The following UNC5C variants were observed in gnomAD, a reference collection of about 807,000 sequenced individuals.
The protein encoded by UNC5C is netrin receptor UNC5C.
UNC5C carries 47 observed loss-of-function variants against 99.8 expected under a neutral mutation model. That is an observed-to-expected ratio of 0.47 (90% confidence interval 0.37 to 0.60). UNC5C has a LOEUF of 0.60. Among genes scored for constraint, UNC5C ranks in the 20% least tolerant of loss-of-function variants. UNC5C has a pLI of 0.00. For synonymous variants in UNC5C, 487 were observed against 452.2 expected, an observed-to-expected ratio of 1.08 and a Z score of -0.98; for missense variants, 1,062 against 1,165.9, an observed-to-expected ratio of 0.91 and a Z score of 1.30.
chr4:95,181,148 C>T (rs1241887117), intron 14 of UNC5C, among the ~76,000 whole-genome samples: 1 of 152,184 alleles, frequency 6.6e-6, no homozygotes, highest in South Asian at 2.1e-4. Context: ...TGACTCCCCT[C>T]ACTTCTTCCC....
At chr4:95,425,461 A>G (rs1746452299) in intron 1 of UNC5C, among the ~76,000 whole-genome samples, 1 of 152,210 alleles carries the variant, frequency 6.6e-6, no homozygotes, top group Non-Finnish European at 1.5e-5. Flanking sequence ...AACTGGGACT[A>G]CAGGCGCTCG....
intron 3 of UNC5C, among the ~76,000 whole-genome samples, chr4:95,280,039 G>A (rs992017980): frequency 1.2e-4 from 18 of 152,158 alleles, no homozygotes; most frequent in African/African-American, 4.3e-4. Flanking sequence ...CAGAGCTCAG[G>A]TGTTAATGCT....
intron 1 of UNC5C, among the ~76,000 whole-genome samples, chr4:95,545,377 T>C (rs967900982): frequency 1.3e-5 from 2 of 152,218 alleles, no homozygotes; most frequent in Non-Finnish European, 2.9e-5. Context: ...CTTTTCCTTA[T>C]TGCATATTCC....
At chr4:95,278,594 C>G (rs892056112) in intron 3 of UNC5C, among the ~76,000 whole-genome samples, 3 of 151,872 alleles carry the variant, frequency 2.0e-5, no homozygotes, top group African/African-American at 7.3e-5. Context: ...CCTGCCTCAG[C>G]CTTCTGAGTG....
intron 1 of UNC5C, among the ~76,000 whole-genome samples, chr4:95,522,314 A>G (rs1340983178): frequency 6.6e-6 from 1 of 152,180 alleles, no homozygotes; most frequent in East Asian, 1.9e-4. Flanking sequence ...GGAGCTTTAA[A>G]CAATCGATTT....
chr4:95,310,285 G>A (rs1375483944), intron 2 of UNC5C, among the ~76,000 whole-genome samples: 2 of 152,020 alleles, frequency 1.3e-5, no homozygotes, highest in African/African-American at 4.8e-5. Context: ...GAGGGTAGGG[G>A]GTCCCAAGAT....
rs766450239 is a variant in UNC5C, at chr4:95,242,578, G to A, written c.959C>T (p.Thr320Met). The change falls in exon 7 of 16, where the codon ACG becomes ATG. Residue 320 changes from threonine to methionine, a missense_variant. By Grantham distance (81) the Thr-to-Met change is moderately conservative (BLOSUM62 -1). Transcript: ENST00000453304. Reference sequence around the variant, plus strand: ...ACAAGTAGACCACTTGCTCCATGGCGTCCACCTGCCATCCACTGCCATGGA... The same window carrying A: ...ACAAGTAGACCACTTGCTCCATGGCATCCACCTGCCATCCACTGCCATGGA... Reference protein sequence around the residue: ...TTLCPVDGRWTPWSKWSTCGT... With the variant: ...TTLCPVDGRWMPWSKWSTCGT... The A allele has an allele frequency of 3.8e-6, 6 of 1,585,718 alleles. No individual in the cohort carries two copies. Among genetic ancestry groups the A allele is most frequent in the South Asian group, 1.1e-5 (1 of 87,354 alleles).
chr4:95,174,035 G>A (rs1308637461), intron 14 of UNC5C, among the ~76,000 whole-genome samples: 1 of 152,134 alleles, frequency 6.6e-6, no homozygotes, highest in East Asian at 1.9e-4. Flanking sequence ...GCATAGAGGT[G>A]TTTGTAGTAT....
chr4:95,533,975 T>G (rs970533827), intron 1 of UNC5C, among the ~76,000 whole-genome samples: 5 of 152,220 alleles, frequency 3.3e-5, no homozygotes, highest in Non-Finnish European at 7.3e-5. Flanking sequence ...AGCATTCTAG[T>G]TGCTTCTGTT....
intron 4 of UNC5C, among the ~76,000 whole-genome samples, chr4:95,267,280 G>T (rs573491170): frequency 1.3e-5 from 2 of 152,178 alleles, no homozygotes; most frequent in East Asian, 3.9e-4. Context: ...TATATTTGGG[G>T]GTTTCCTGGA....
intron 1 of UNC5C, among the ~76,000 whole-genome samples, chr4:95,400,592 C>T (rs1745661091): frequency 6.6e-6 from 1 of 151,990 alleles, no homozygotes; most frequent in Non-Finnish European, 1.5e-5. Context: ...GGGGTTTCAC[C>T]GTGTTAGCCA....
intron 13 of UNC5C, 98 bp downstream of exon 13, chr4:95,184,949 T>C: frequency 7.8e-7 from 1 of 1,290,090 alleles, no homozygotes. Context: ...TAATGACATA[T>C]GATTAATTTC....
At chr4:95,307,399 T>C (rs1461204425) in intron 2 of UNC5C, among the ~76,000 whole-genome samples, 1 of 152,116 alleles carries the variant, frequency 6.6e-6, no homozygotes, top group African/African-American at 2.4e-5. Flanking sequence ...GTGATTAAGA[T>C]GAATGTAAGA....
chr4:95,525,148 C>T (rs995256452), intron 1 of UNC5C, among the ~76,000 whole-genome samples: 1 of 152,158 alleles, frequency 6.6e-6, no homozygotes, highest in African/African-American at 2.4e-5. Context: ...GTTTAACATA[C>T]ATAAGAGCAG....
At chr4:95,302,655 C>A (rs537458866) in intron 2 of UNC5C, among the ~76,000 whole-genome samples, 1 of 152,072 alleles carries the variant, frequency 6.6e-6, no homozygotes, top group African/African-American at 2.4e-5. Flanking sequence ...AGCAGAACAC[C>A]CCTAGGGAGG....
chr4:95,432,199 TA>T (rs1746653923), intron 1 of UNC5C, among the ~76,000 whole-genome samples: 1 of 152,044 alleles, frequency 6.6e-6, no homozygotes. Context: ...GGTGCTACGG[TA>T]AAAGGATCCT....
intron 1 of UNC5C, among the ~76,000 whole-genome samples, chr4:95,508,259 C>T (rs933150436): frequency 6.6e-5 from 10 of 151,950 alleles, no homozygotes; most frequent in African/African-American, 2.4e-4. Context: ...CATTTTGTTC[C>T]GTTATTCTCT....
chr4:95,408,893 C>G (rs1226276859), intron 1 of UNC5C, among the ~76,000 whole-genome samples: 1 of 152,090 alleles, frequency 6.6e-6, no homozygotes, highest in African/African-American at 2.4e-5. Context: ...AATAATACCC[C>G]CTTTCACTTG....
chr4:95,311,294 T>TA (rs201367631), intron 2 of UNC5C, among the ~76,000 whole-genome samples: 10 of 151,882 alleles, frequency 6.6e-5, no homozygotes, highest in East Asian at 1.9e-4. Flanking sequence ...CTTTGGAATA[T>TA]AAAAAAAACA....
Sources: allele counts gnomAD v4.1 joint callset (sites outside exome capture counted in the v4.1 genomes callset), GRCh38; gene constraint gnomAD v4.1.1; transcripts MANE v1.5; gene names NCBI Gene and HGNC (gene_info 2026-07-23, HGNC 2026-07-21).